ITPKB: variants seen among roughly 807,000 people sequenced by gnomAD.
The protein encoded by ITPKB is inositol-trisphosphate 3-kinase B.
In ITPKB, 13 loss-of-function variants were observed where a neutral mutation model predicts 69.4. That is an observed-to-expected ratio of 0.19 (90% CI 0.12 to 0.30). The LOEUF (loss-of-function observed/expected upper bound fraction) is 0.30. Among genes scored for constraint, ITPKB ranks in the 10% least tolerant of loss-of-function variants. The probability of loss-of-function intolerance (pLI) is 1.00; values close to 1 mark genes in which losing one functional copy is unlikely to be tolerated. For missense variants in ITPKB, 1,240 were observed against 1,250.5 expected (o/e 0.99, Z 0.13); for synonymous variants, 584 against 513.7 (o/e 1.14, Z -1.85).
In ITPKB at chr1:226,634,036, G is replaced by C. The variant is rs537023837; in HGVS notation, c.*635C>G. 8 of 152,476 alleles carry C rather than the reference G, an allele frequency of 5.2e-5. No homozygotes were observed. Among genetic ancestry groups the C allele is most frequent in the African/African-American group, 1.9e-4 (8 of 41,444 alleles). 9.4% of individuals were successfully genotyped at this position (152,476 alleles called of 1,614,324 possible). A position where few individuals can be genotyped will look rare whatever the true frequency, so the allele number is the denominator to read the frequency against. ...TGGCTCCTGGGTCTGGCCTGGAGCC[G>C]GCAGGTTTCCATACCAGATGGGTGG... is the stretch of plus-strand genomic sequence containing the variant. On this transcript the variant is annotated 3_prime_UTR_variant, in exon 8 of 8. Transcript: ENST00000429204. The surrounding 1 kb of genome is among the most constrained non-coding windows in gnomAD (Gnocchi z 6.3).
chr1:226,659,907 G>C (rs1285040942), intron 2 of ITPKB, among the ~76,000 whole-genome samples: 1 of 152,214 alleles, frequency 6.6e-6, no homozygotes, highest in Non-Finnish European at 1.5e-5. Flanking sequence ...CTGATAAGAG[G>C]ACCCTGCGGA....
intron 2 of ITPKB, among the ~76,000 whole-genome samples, chr1:226,732,227 GTTTT>G (rs765270143): frequency 8.5e-4 from 129 of 151,972 alleles, no homozygotes; most frequent in Non-Finnish European, 7.7e-4. Flanking sequence ...TTAGGCCAGT[GTTTT>G]TTGTTTTTGT....
chr1:226,737,098 G>C lies in ITPKB; in HGVS notation c.361C>G (p.Pro121Ala). Residue 121 changes from proline to alanine, a missense_variant, in exon 2 of 8, where the codon CCG (proline) becomes GCG (alanine). This residue lies in a region of ITPKB where 992 missense variants were observed against 853.8 expected (regional missense o/e 1.16). Transcript: ENST00000429204. Reference sequence around the variant, plus strand: ...CTCTTGGCCTCCTCCGGCCCTGGCGGGGAGAGGGTACCGGCTGCCACCACC... The same window carrying C: ...CTCTTGGCCTCCTCCGGCCCTGGCGCGGAGAGGGTACCGGCTGCCACCACC... The part of the protein sequence containing the change: ...QQVVAAGTLS[P>A]PGPEEAKRKL... 5.0e-6 allele frequency: 8 copies of C among 1,607,788 alleles called. No individual in the cohort carries two copies. The highest frequency in any genetic ancestry group is 6.8e-6 in the Non-Finnish European group (8 of 1,179,846).
chr1:226,663,040 C>T (rs926980084), intron 2 of ITPKB, among the ~76,000 whole-genome samples: 18 of 152,182 alleles, frequency 1.2e-4, no homozygotes, highest in Admixed American at 3.3e-4. Context: ...GCACAGGAAA[C>T]GGGTTGCCAA....
At chr1:226,646,694 C>T (rs1297814710) in intron 4 of ITPKB, among the ~76,000 whole-genome samples, 1 of 152,058 alleles carries the variant, frequency 6.6e-6, no homozygotes, top group African/African-American at 2.4e-5. Flanking sequence ...TTTTGGGAAA[C>T]CAGCATGTTC....
chr1:226,648,477 T>A (rs1669107080), intron 3 of ITPKB, among the ~76,000 whole-genome samples, 195 bp downstream of exon 3: 1 of 151,984 alleles, frequency 6.6e-6, no homozygotes, highest in Admixed American at 6.6e-5. Context: ...TAACACAGAC[T>A]CCAGAGAGGT....
At chr1:226,678,023 T>C (rs766157199) in intron 2 of ITPKB, among the ~76,000 whole-genome samples, 2 of 152,088 alleles carry the variant, frequency 1.3e-5, no homozygotes, top group African/African-American at 4.8e-5. Context: ...CTTGAATACA[T>C]TGAAAACCAT....
At chr1:226,717,035 G>A (rs897544395) in intron 2 of ITPKB, among the ~76,000 whole-genome samples, 2 of 152,112 alleles carry the variant, frequency 1.3e-5, no homozygotes, top group Non-Finnish European at 2.9e-5. Context: ...ACTGAAATGA[G>A]GACTAAGATG....
chr1:226,688,781 C>T (rs3754403), intron 2 of ITPKB, among the ~76,000 whole-genome samples: 2,226 of 152,256 alleles, frequency 0.015, 107 homozygotes, highest in Admixed American at 0.081. Context: ...CACCCAAGGA[C>T]GCTGGTATGA....
chr1:226,665,852 C>G (rs928815886), intron 2 of ITPKB, among the ~76,000 whole-genome samples: 1 of 152,146 alleles, frequency 6.6e-6, no homozygotes, highest in Non-Finnish European at 1.5e-5. Context: ...CCAGGTGAGG[C>G]GAGGAGACAC....
chr1:226,679,766 T>C (rs1395230590), intron 2 of ITPKB, among the ~76,000 whole-genome samples: 6 of 152,336 alleles, frequency 3.9e-5, no homozygotes, highest in Admixed American at 1.3e-4. Flanking sequence ...TATCCAATGA[T>C]CTGTAATGGA....
At chr1:226,702,045 G>C (rs1250807512) in intron 2 of ITPKB, among the ~76,000 whole-genome samples, 1 of 152,146 alleles carries the variant, frequency 6.6e-6, no homozygotes, top group African/African-American at 2.4e-5. Context: ...AGGGAAGAGA[G>C]AGACAAGAAA....
At chr1:226,722,396 C>T (rs1016851068) in intron 2 of ITPKB, among the ~76,000 whole-genome samples, 1 of 152,222 alleles carries the variant, frequency 6.6e-6, no homozygotes, top group Admixed American at 6.5e-5. Context: ...GGACCCAGAA[C>T]CTGCAGGGCT....
intron 2 of ITPKB, among the ~76,000 whole-genome samples, chr1:226,714,329 G>C (rs1222745127): frequency 6.6e-6 from 1 of 152,216 alleles, no homozygotes; most frequent in African/African-American, 2.4e-5. Flanking sequence ...AGCTGACCCA[G>C]ATCAGGTATG....
intron 2 of ITPKB, among the ~76,000 whole-genome samples, chr1:226,651,963 C>T (rs1000896521): frequency 1.3e-5 from 2 of 152,342 alleles, no homozygotes; most frequent in Non-Finnish European, 1.5e-5. Flanking sequence ...TCCCCCAGTC[C>T]CAAGGCTGCT....
intron 6 of ITPKB, among the ~76,000 whole-genome samples, chr1:226,638,631 A>G (rs1275209235): frequency 6.6e-6 from 1 of 152,120 alleles, no homozygotes; most frequent in Non-Finnish European, 1.5e-5. Context: ...GCATCTATCC[A>G]GTCTGCGAGC....
intron 2 of ITPKB, among the ~76,000 whole-genome samples, chr1:226,685,121 GAAC>G (rs1656177344): frequency 6.6e-6 from 1 of 152,152 alleles, no homozygotes; most frequent in Non-Finnish European, 1.5e-5. Flanking sequence ...CCTTCAACGG[GAAC>G]AACACAGTAA....
At chr1:226,717,215 C>T (rs932782085) in intron 2 of ITPKB, among the ~76,000 whole-genome samples, 6 of 152,204 alleles carry the variant, frequency 3.9e-5, no homozygotes, top group Admixed American at 3.3e-4. Flanking sequence ...CTTTCTGCTG[C>T]CCCCTCCTGA....
chr1:226,665,360 G>A (rs935260399), intron 2 of ITPKB, among the ~76,000 whole-genome samples: 5 of 152,200 alleles, frequency 3.3e-5, no homozygotes, highest in African/African-American at 1.2e-4. Flanking sequence ...GTCAACGCGG[G>A]CAAGTCACCT....
Sources: gnomAD v4.1 joint callset for allele counts (sites outside exome capture counted in the v4.1 genomes callset) on GRCh38, gnomAD v4.1.1 for gene constraint, gnomAD v4.1.1 regional missense constraint, Gnocchi (gnomAD v3.1) non-coding constraint, MANE v1.5 for transcripts, NCBI Gene and HGNC (gene_info 2026-07-23, HGNC 2026-07-21) for gene names.